The following NTSR1 variants were observed in gnomAD, a reference collection of about 807,000 sequenced individuals.
The protein encoded by NTSR1 is neurotensin receptor 1.
A neutral mutation model predicts 31.2 loss-of-function variants in NTSR1; 29 were observed. The observed-to-expected ratio is 0.93, with a 90% confidence interval of 0.69 to 1.27. NTSR1 has a LOEUF of 1.27. Among genes scored for constraint, NTSR1 ranks in the 50% most tolerant of loss-of-function variants. The pLI, the probability that NTSR1 is intolerant of heterozygous loss-of-function variation, is 0.00. For synonymous variants in NTSR1, 282 were observed against 269.9 expected, an observed-to-expected ratio of 1.04 and a Z score of -0.44; for missense variants, 697 against 595.4, an observed-to-expected ratio of 1.17 and a Z score of -1.78.
rs1568713225 is a variant in NTSR1, at chr20:62,758,596, GAGATGGCCCAGGC to G, written c.1007+243_1007+255del. ...CAGAGAAAGAAAGTTGGTCCTAAGAGAGATGGCCCAGGCAGTTTCCCGAAGGTGAAAGAGAGAC... is the reference window on the plus strand; with the variant it reads ...CAGAGAAAGAAAGTTGGTCCTAAGAGAGTTTCCCGAAGGTGAAAGAGAGAC... On this transcript the variant is annotated intron_variant, in intron 3 of 3. Transcript: ENST00000370501. This position sits in a 1 kb window ranked among gnomAD's most constrained non-coding sequence, Gnocchi z 4.5. Among the ~76,000 whole-genome samples the G allele has an allele frequency of 1.3e-5, 2 of 152,144 alleles. No homozygotes were observed. Among genetic ancestry groups the G allele is most frequent in the East Asian group, 3.9e-4 (2 of 5,178 alleles).
intron 1 of NTSR1, among the ~76,000 whole-genome samples, chr20:62,747,609 G>T (rs1157459429): frequency 6.6e-6 from 1 of 152,230 alleles, no homozygotes; most frequent in Non-Finnish European, 1.5e-5. Context: ...AAGCAAGGAT[G>T]CACTACTCAA....
intron 1 of NTSR1, among the ~76,000 whole-genome samples, chr20:62,719,231 C>T (rs1293927337): frequency 6.6e-6 from 1 of 151,228 alleles, no homozygotes; most frequent in African/African-American, 2.4e-5. Flanking sequence ...TTTTCTTCAT[C>T]GTGAATGAAT....
intron 1 of NTSR1, among the ~76,000 whole-genome samples, chr20:62,722,215 A>G (rs912895538): frequency 6.6e-6 from 1 of 152,122 alleles, no homozygotes; most frequent in Non-Finnish European, 1.5e-5. Context: ...AGTTGAGTAA[A>G]CAACTACGGA....
Position 62,727,582 on chromosome 20 carries a change from GC to G in NTSR1, c.714+17663del, listed in dbSNP as rs540529534. 2.1e-3 allele frequency among the ~76,000 whole-genome samples: 317 copies of G among 152,338 alleles called. 1 individual carries two copies. The highest frequency in any genetic ancestry group is 7.1e-3 in the African/African-American group (296 of 41,574). ...GCTGGGCAGTGGCTCTGAGCCCTCC[GC>G]CTCCAGCATCGAGGTGACTGAGGGG... is the stretch of plus-strand genomic sequence containing the variant. On this transcript the variant is annotated intron_variant, in intron 1 of 3. Coordinates refer to ENST00000370501, the MANE Select transcript of NTSR1 (RefSeq NM_002531.3).
chr20:62,759,691 T>A (rs563164265), intron 3 of NTSR1, among the ~76,000 whole-genome samples: 22 of 149,354 alleles, frequency 1.5e-4, no homozygotes. Context: ...AGGAGAATGG[T>A]GTGAACCCGG....
rs549770678 is a variant in NTSR1, at chr20:62,730,741, C to CCA, written c.714+20821_714+20822dup. Among the ~76,000 whole-genome samples the CCA allele has an allele frequency of 4.9e-4, 75 of 152,332 alleles. 1 individual carries two copies. In the South Asian group the frequency reaches 0.015, roughly 30 times the overall value. On this transcript the variant is annotated intron_variant, in intron 1 of 3. Transcript: ENST00000370501. ...GCGGTTCTGTTGCTCCGCAGCCTTG[C>CCA]CAGCGTTTGGTGTCGTCAGGATCTT...
rs1205560127 is a variant in NTSR1, at chr20:62,754,810, G to T, written c.840G>T (p.Gly280=). The change falls in exon 2 of 4, where the codon GGG becomes GGT. Residue 280 remains glycine, a synonymous_variant. Transcript: ENST00000370501. ...AGCAGGGCCAAGTGTGCACGGTCGGGGGCGAGCACAGCACATTCAGCATGG... is the reference window on the plus strand; with the variant it reads ...AGCAGGGCCAAGTGTGCACGGTCGGTGGCGAGCACAGCACATTCAGCATGG... ...AAEQGQVCTV[G]GEHSTFSMAI... is the part of the protein sequence containing the mutation. 6.2e-7 allele frequency: 1 copy of T among 1,610,362 alleles called. No homozygotes were observed. Among genetic ancestry groups the T allele is most frequent in the Admixed American group, 1.7e-5 (1 of 59,966 alleles).
At chr20:62,740,890 G>C (rs1399783628) in intron 1 of NTSR1, among the ~76,000 whole-genome samples, 1 of 152,232 alleles carries the variant, frequency 6.6e-6, no homozygotes, top group African/African-American at 2.4e-5. Context: ...TCAACCGCTG[G>C]CTGTCACCTG....
chr20:62,752,412 AC>A (rs374331326), intron 1 of NTSR1, among the ~76,000 whole-genome samples: 1 of 124,484 alleles, frequency 8.0e-6, no homozygotes, highest in African/African-American at 3.0e-5. Flanking sequence ...CATTCCCCTC[AC>A]CCCCCAATCC....
rs1988681316 is a variant in NTSR1 at position 62,714,754 on chromosome 20, G to A, written c.714+4833G>A. ...CAACTCGTTCTGTTCTACAAACAGT[G>A]AGGGAATCGGAGACGGTGGCCTGGT... On this transcript the variant is annotated intron_variant, in intron 1 of 3. Transcript: ENST00000370501. This position sits in a 1 kb window ranked among gnomAD's most constrained non-coding sequence, Gnocchi z 4.1. 6.6e-6 allele frequency among the ~76,000 whole-genome samples: 1 copy of A among 152,220 alleles called. No homozygotes were observed. The highest frequency in any genetic ancestry group is 2.4e-5 in the African/African-American group (1 of 41,450).
At chr20:62,754,040 G>T (rs1197383328) in intron 1 of NTSR1, among the ~76,000 whole-genome samples, 1 of 152,204 alleles carries the variant, frequency 6.6e-6, no homozygotes, top group African/African-American at 2.4e-5. Context: ...TCCAGGACTC[G>T]GATCAGGTGC....
chr20:62,735,600 G>C (rs6011008), intron 1 of NTSR1, among the ~76,000 whole-genome samples: 17,505 of 152,236 alleles, frequency 0.11, 2,466 homozygotes, highest in African/African-American at 0.31. Flanking sequence ...ATGATTCAGA[G>C]AGAGGCGTCC....
At chr20:62,737,869 CCACACCCCTGCACCACCT>C (rs1989126386) in intron 1 of NTSR1, among the ~76,000 whole-genome samples, 1 of 150,574 alleles carries the variant, frequency 6.6e-6, no homozygotes, top group Non-Finnish European at 1.5e-5. Flanking sequence ...TCCCCACCCC[CCACACCCCTGCACCACCT>C]CACACACTCT....
chr20:62,709,081 C>T lies in NTSR1; in HGVS notation c.-127C>T. On this transcript the variant is annotated 5_prime_UTR_variant, in exon 1 of 4. Coordinates refer to ENST00000370501, the MANE Select transcript of NTSR1 (RefSeq NM_002531.3). Reference sequence around the variant, plus strand: ...GCGCTTCCCGACTGGACGGCGCGCCCGCTGGTCTTCGCCACGCGCCCTCCC... The same window carrying T: ...GCGCTTCCCGACTGGACGGCGCGCCTGCTGGTCTTCGCCACGCGCCCTCCC... The T allele has an allele frequency of 2.7e-6, 2 of 741,972 alleles. No homozygotes were observed. Among genetic ancestry groups the T allele is most frequent in the Non-Finnish European group, 3.9e-6 (2 of 511,664 alleles). The allele number at this position is 741,972 out of a possible 1,614,324, so 46.0% of individuals were successfully genotyped here.
At position 62,741,211 on chromosome 20, in the gene NTSR1, C is replaced by T. The variant is rs577092588; in HGVS notation, c.715-13474C>T. Among the ~76,000 whole-genome samples, 265 of 152,356 alleles carry T rather than the reference C, an allele frequency of 1.7e-3. 1 individual carries two copies. The highest frequency in any genetic ancestry group is 6.0e-3 in the African/African-American group (251 of 41,586). On this transcript the variant is annotated intron_variant, in intron 1 of 3. Transcript: ENST00000370501. This position sits in a 1 kb window ranked among gnomAD's most constrained non-coding sequence, Gnocchi z 4.3. ...GGCTGCTAAGTCAGGGGTCTCCCGG[C>T]AGCCAGGCTGCTGCCAGTCCCGCAG...
chr20:62,760,564 C>A lies in NTSR1; in HGVS notation c.*297C>A, dbSNP rs368022440. The A allele has an allele frequency of 5.7e-6, 2 of 351,888 alleles. No individual in the cohort carries two copies. The highest frequency in any genetic ancestry group is 1.0e-5 in the Non-Finnish European group (2 of 192,220). 21.8% of individuals were successfully genotyped at this position (351,888 alleles called of 1,614,324 possible). A position where few individuals can be genotyped will look rare whatever the true frequency, so the allele number is the denominator to read the frequency against. On this transcript the variant is annotated 3_prime_UTR_variant, in exon 4 of 4. Coordinates refer to ENST00000370501, the MANE Select transcript of NTSR1 (RefSeq NM_002531.3). Reference sequence around the variant, plus strand: ...CCTCTAACAAGGAGAAATTAGTGTGCGGCAAAAGGCAGTTTTCTTTGTTCT... The same window carrying A: ...CCTCTAACAAGGAGAAATTAGTGTGAGGCAAAAGGCAGTTTTCTTTGTTCT...
At chr20:62,719,206 T>C (rs997609405) in intron 1 of NTSR1, among the ~76,000 whole-genome samples, 1 of 152,112 alleles carries the variant, frequency 6.6e-6, no homozygotes, top group African/African-American at 2.4e-5. Flanking sequence ...ATATTCCTAG[T>C]GTGCTGAGAG....
At position 62,709,570 on chromosome 20, in the gene NTSR1, C is replaced by T; in HGVS notation, c.363C>T (p.Pro121=). ...SDLLTLLLAM[P]VELYNFIWVH... is the part of the protein sequence containing the mutation. The stretch of plus-strand genomic sequence containing the variant: ...TGCTCACCCTGCTGCTGGCCATGCC[C>T]GTGGAGCTGTACAACTTCATCTGGG... Residue 121 remains proline (P), a synonymous_variant, in exon 1 of 4, where the codon CCC becomes CCT. Transcript: ENST00000370501. 3 of 1,611,768 alleles carry T rather than the reference C, an allele frequency of 1.9e-6. No individual in the cohort carries two copies. The highest frequency in any genetic ancestry group is 1.7e-6 in the Non-Finnish European group (2 of 1,179,888).
At chr20:62,749,639 G>A (rs1989359568) in intron 1 of NTSR1, among the ~76,000 whole-genome samples, 2 of 152,202 alleles carry the variant, frequency 1.3e-5, no homozygotes, top group South Asian at 4.1e-4. Flanking sequence ...AAAGGGGCCT[G>A]AGTAGACATT....
Sources: allele counts gnomAD v4.1 joint callset (sites outside exome capture counted in the v4.1 genomes callset), GRCh38; gene constraint gnomAD v4.1.1; non-coding constraint Gnocchi (gnomAD v3.1); transcripts MANE v1.5; gene names NCBI Gene and HGNC (gene_info 2026-07-23, HGNC 2026-07-21).